Variants in MARCHF3 observed in about 807,000 individuals in gnomAD.
MARCHF3 encodes E3 ubiquitin-protein ligase MARCHF3.
Under a neutral mutation model 24.2 loss-of-function variants are expected in MARCHF3, and 13 were observed. The ratio of observed to expected loss-of-function variants is 0.54; its 90% CI spans 0.35 to 0.85. The LOEUF (loss-of-function observed/expected upper bound fraction) is 0.85, where lower values mean the gene tolerates loss of function less well. Among genes scored for constraint, MARCHF3 ranks in the 40% least tolerant of loss-of-function variants. The pLI is 0.01. For synonymous variants in MARCHF3, 144 were observed against 137.3 expected (o/e 1.05, Z -0.34); for missense variants, 276 against 325.0 (o/e 0.85, Z 1.16).
intron 1 of MARCHF3, among the ~76,000 whole-genome samples, chr5:126,965,894 G>A (rs1750798650): frequency 6.6e-6 from 1 of 152,192 alleles, no homozygotes; most frequent in South Asian, 2.1e-4. Context: ...GGAAATAAAA[G>A]CTTATGTGCA....
At chr5:126,986,725 A>C (rs1291185105) in intron 1 of MARCHF3, among the ~76,000 whole-genome samples, 1 of 152,218 alleles carries the variant, frequency 6.6e-6, no homozygotes, top group Non-Finnish European at 1.5e-5. Flanking sequence ...AACCTTAAGA[A>C]GACTGCTGAC....
chr5:126,966,185 G>A (rs900470840), intron 1 of MARCHF3, among the ~76,000 whole-genome samples: 1 of 152,168 alleles, frequency 6.6e-6, no homozygotes, highest in African/African-American at 2.4e-5. Context: ...AGGCAAAGTG[G>A]GTGTTGGGTG....
intron 1 of MARCHF3, among the ~76,000 whole-genome samples, chr5:126,947,742 A>G (rs1750079375): frequency 6.6e-6 from 1 of 152,158 alleles, no homozygotes; most frequent in Non-Finnish European, 1.5e-5. Flanking sequence ...CAAATTGAAT[A>G]CATATTCATA....
chr5:127,029,158 G>A (rs1379836086), intron 1 of MARCHF3, among the ~76,000 whole-genome samples: 1 of 152,214 alleles, frequency 6.6e-6, no homozygotes, highest in African/African-American at 2.4e-5. Flanking sequence ...CCCAAGGGAA[G>A]TTCAAGGCTG....
chr5:126,968,859 T>C (rs1286689494), intron 1 of MARCHF3, among the ~76,000 whole-genome samples: 1 of 152,182 alleles, frequency 6.6e-6, no homozygotes, highest in Non-Finnish European at 1.5e-5. Context: ...CTAGCCTATT[T>C]TTTTCAACTA....
At chr5:126,876,656 CTT>C (rs757243862) in intron 4 of MARCHF3, among the ~76,000 whole-genome samples, 2 of 147,634 alleles carry the variant, frequency 1.4e-5, no homozygotes, top group Non-Finnish European at 1.5e-5. Flanking sequence ...GAAGCGTAGA[CTT>C]TTTTTTTTTT....
At chr5:126,939,810 C>T (rs941821499) in intron 1 of MARCHF3, among the ~76,000 whole-genome samples, 1 of 152,088 alleles carries the variant, frequency 6.6e-6, no homozygotes, top group Non-Finnish European at 1.5e-5. Context: ...CAATACATAA[C>T]CTTGTTTATG....
In MARCHF3 at chr5:126,922,552, A is replaced by ATTAT. The variant is rs1554065933; in HGVS notation, c.-56-4329_-56-4326dup. Among the ~76,000 whole-genome samples the ATTAT allele has an allele frequency of 9.2e-4, 102 of 111,094 alleles. 1 individual carries two copies. In the East Asian group the frequency reaches 0.022, roughly 24 times the overall value. 72.9% of individuals were successfully genotyped at this position (111,094 alleles called of 152,430 possible). On this transcript the variant is annotated intron_variant, in intron 1 of 4. Transcript: ENST00000308660. ...TATTTATTTATTTATTTATTTATTT[A>ATTAT]TTATTTATTTTTGAGTCGGAGTCTC... is the stretch of plus-strand genomic sequence containing the variant.
At chr5:127,018,926 T>C (rs1752711142) in intron 1 of MARCHF3, among the ~76,000 whole-genome samples, 1 of 152,216 alleles carries the variant, frequency 6.6e-6, no homozygotes, top group African/African-American at 2.4e-5. Context: ...AATGGCCATT[T>C]ACATTCATCA....
chr5:127,029,267 A>T (rs1753097826), intron 1 of MARCHF3, among the ~76,000 whole-genome samples: 1 of 152,158 alleles, frequency 6.6e-6, no homozygotes, highest in African/African-American at 2.4e-5. Context: ...GCGCATCTAC[A>T]TCTTCATATA....
intron 3 of MARCHF3, among the ~76,000 whole-genome samples, chr5:126,900,534 G>A (rs549336728): frequency 6.6e-6 from 1 of 152,008 alleles, no homozygotes; most frequent in South Asian, 2.1e-4. Flanking sequence ...CAACTATGTC[G>A]GCACCCTGAC....
At chr5:126,965,181 T>C (rs1474373599) in intron 1 of MARCHF3, among the ~76,000 whole-genome samples, 1 of 152,142 alleles carries the variant, frequency 6.6e-6, no homozygotes, top group East Asian at 1.9e-4. Flanking sequence ...ATCATCGTCT[T>C]CATAACAATC....
intron 4 of MARCHF3, 143 bp downstream of exon 4, chr5:126,878,042 C>G: frequency 1.3e-6 from 1 of 753,862 alleles, no homozygotes; most frequent in Non-Finnish European, 2.2e-6. Flanking sequence ...AGTCATAAAC[C>G]AAATCTCATG....
In MARCHF3 at chr5:126,918,125, C is replaced by T. The variant is rs778264108; in HGVS notation, c.47G>A (p.Cys16Tyr). Reference protein sequence around the residue: ...CSHLPEVLPDCTSSAAPVVKT... With the variant: ...CSHLPEVLPDYTSSAAPVVKT... ...CACCACGGGTGCAGCTGAGCTGGTG[C>T]AGTCTGGCAGGACTTCGGGCAGGTG... The change falls in exon 2 of 5, where the codon TGC (cysteine) becomes TAC (tyrosine). Residue 16 changes from cysteine to tyrosine, a missense_variant. Coordinates refer to ENST00000308660, the MANE Select transcript of MARCHF3 (RefSeq NM_178450.5). 4.5e-5 allele frequency: 73 copies of T among 1,614,024 alleles called. No homozygotes were observed. The highest frequency in any genetic ancestry group is 5.9e-5 in the Non-Finnish European group (70 of 1,180,040).
intron 3 of MARCHF3, among the ~76,000 whole-genome samples, chr5:126,895,238 C>G (rs1753836449): frequency 6.6e-6 from 1 of 152,122 alleles, no homozygotes; most frequent in Non-Finnish European, 1.5e-5. Context: ...TTTTCAACTT[C>G]TTTGCCTTTG....
In MARCHF3 at chr5:126,870,472, C is replaced by T; in HGVS notation, c.*161G>A. 1.8e-6 allele frequency: 1 copy of T among 566,274 alleles called. No individual in the cohort carries two copies. The highest frequency in any genetic ancestry group is 3.2e-6 in the Non-Finnish European group (1 of 317,420). The allele number at this position is 566,274 out of a possible 1,614,324, so 35.1% of individuals were successfully genotyped here. On this transcript the variant is annotated 3_prime_UTR_variant, in exon 5 of 5. Transcript: ENST00000308660. Reference sequence around the variant, plus strand: ...GAAGTAAAACAGCATTTGCTTTCTTCTGGCGGAGGTTGTTGCTTGGAGTGA... The same window carrying T: ...GAAGTAAAACAGCATTTGCTTTCTTTTGGCGGAGGTTGTTGCTTGGAGTGA...
At chr5:126,902,210 T>C (rs1754128876) in intron 3 of MARCHF3, among the ~76,000 whole-genome samples, 1 of 152,178 alleles carries the variant, frequency 6.6e-6, no homozygotes, top group Admixed American at 6.6e-5. Context: ...GTTTTCTCCC[T>C]GGCCCCAACA....
intron 2 of MARCHF3, among the ~76,000 whole-genome samples, chr5:126,915,985 T>C (rs1754714945): frequency 6.6e-6 from 1 of 152,196 alleles, no homozygotes; most frequent in Non-Finnish European, 1.5e-5. Flanking sequence ...AATGGTGCCT[T>C]CTTCATATGA....
At chr5:126,975,832 A>G (rs558738485) in intron 1 of MARCHF3, among the ~76,000 whole-genome samples, 1 of 152,354 alleles carries the variant, frequency 6.6e-6, no homozygotes, top group East Asian at 1.9e-4. Context: ...ATGCACCCAA[A>G]GTGAATCAAC....
Sources: allele counts gnomAD v4.1 joint callset (sites outside exome capture counted in the v4.1 genomes callset), GRCh38; gene constraint gnomAD v4.1.1; transcripts MANE v1.5; gene names NCBI Gene and HGNC (gene_info 2026-07-23, HGNC 2026-07-21).